CPEB1: variants seen among roughly 807,000 people sequenced by gnomAD.
The protein encoded by CPEB1 is cytoplasmic polyadenylation element binding protein 1.
CPEB1 carries 7 observed loss-of-function variants against 65.8 expected under a neutral mutation model. That is an observed-to-expected ratio of 0.11 (90% confidence interval 0.06 to 0.20). The LOEUF (loss-of-function observed/expected upper bound fraction) is 0.20. CPEB1 is among the 10% of genes least tolerant of loss of function. CPEB1 has a pLI of 1.00. For synonymous variants in CPEB1, 262 were observed against 260.0 expected, an observed-to-expected ratio of 1.01 and a Z score of -0.08; for missense variants, 551 against 712.2, an observed-to-expected ratio of 0.77 and a Z score of 2.58.
chr15:82,614,875 G>GTGTT (rs2044559200), intron 3 of CPEB1, among the ~76,000 whole-genome samples: 1 of 123,184 alleles, frequency 8.1e-6, no homozygotes, highest in African/African-American at 2.8e-5. Context: ...GTGTGTGTGT[G>GTGTT]TGTGTATATA....
intron 3 of CPEB1, among the ~76,000 whole-genome samples, chr15:82,573,653 G>A (rs998186679): frequency 6.6e-6 from 1 of 152,048 alleles, no homozygotes; most frequent in Non-Finnish European, 1.5e-5. Context: ...TCCCTCACGA[G>A]GAGAGAATCA....
At chr15:82,600,546 T>C (rs979738316) in intron 3 of CPEB1, among the ~76,000 whole-genome samples, 9 of 151,934 alleles carry the variant, frequency 5.9e-5, no homozygotes, top group African/African-American at 2.2e-4. Flanking sequence ...ATACACACAA[T>C]TGAAATGTAT....
At chr15:82,600,190 A>T (rs2042983232) in intron 3 of CPEB1, among the ~76,000 whole-genome samples, 1 of 152,204 alleles carries the variant, frequency 6.6e-6, no homozygotes, top group Non-Finnish European at 1.5e-5. Flanking sequence ...AAAGAGAGAA[A>T]AAGGTTTCAA....
intron 3 of CPEB1, among the ~76,000 whole-genome samples, chr15:82,595,908 G>C (rs909675813): frequency 2.0e-5 from 3 of 152,120 alleles, no homozygotes; most frequent in Non-Finnish European, 4.4e-5. Flanking sequence ...TGCTAAGAAA[G>C]TCAAACCTAA....
At chr15:82,557,255 T>C (rs1337523509) in intron 5 of CPEB1, among the ~76,000 whole-genome samples, 1 of 152,190 alleles carries the variant, frequency 6.6e-6, no homozygotes, top group Non-Finnish European at 1.5e-5. Context: ...CATCATGGCA[T>C]GAATTGAAAG....
At chr15:82,626,736 G>A (rs1278389367) in intron 3 of CPEB1, among the ~76,000 whole-genome samples, 2 of 152,116 alleles carry the variant, frequency 1.3e-5, no homozygotes, top group Admixed American at 6.5e-5. Flanking sequence ...TCCATGTTGA[G>A]ATATGCTTGT....
intron 3 of CPEB1, among the ~76,000 whole-genome samples, chr15:82,578,458 T>A (rs1027225678): frequency 6.6e-6 from 1 of 152,162 alleles, no homozygotes; most frequent in African/African-American, 2.4e-5. Context: ...AAAATGTATA[T>A]ATACAGTGTT....
rs1237207716 is a variant in CPEB1 at position 82,594,880 on chromosome 15, G to C, written c.272-23348C>G. 2.0e-5 allele frequency among the ~76,000 whole-genome samples: 3 copies of C among 152,140 alleles called. No homozygotes were observed. In the East Asian group the frequency reaches 5.8e-4, roughly 29 times the overall value. On this transcript the variant is annotated intron_variant, in intron 3 of 12. Transcript: ENST00000684509. ...GGCCCAAGAAAGTGGGAGAGAGACA[G>C]GAGAACGGCCGACTGGTGGAGCAGT...
chr15:82,553,838 CA>C, intron 7 of CPEB1, 39 bp downstream of exon 7: 1 of 1,365,038 alleles, frequency 7.3e-7, no homozygotes, highest in Non-Finnish European at 1.0e-6. Context: ...AGACATGCCC[CA>C]CCCTTCAACT....
At chr15:82,561,267 A>C (rs2038147733) in intron 4 of CPEB1, among the ~76,000 whole-genome samples, 1 of 152,238 alleles carries the variant, frequency 6.6e-6, no homozygotes, top group Admixed American at 6.5e-5. Context: ...GAGTTAAACA[A>C]TGAGATTTTC....
At chr15:82,646,513 C>T (rs1423797002) in intron 1 of CPEB1, among the ~76,000 whole-genome samples, 1 of 152,152 alleles carries the variant, frequency 6.6e-6, no homozygotes. Context: ...GGCACCCCGG[C>T]TTCTAAGAGC....
intron 3 of CPEB1, among the ~76,000 whole-genome samples, chr15:82,615,093 C>G (rs1352073063): frequency 6.6e-6 from 1 of 152,122 alleles, no homozygotes; most frequent in Non-Finnish European, 1.5e-5. Context: ...AGAGTGTAAG[C>G]CAAGGTCACA....
chr15:82,576,387 G>A (rs1313234193), intron 3 of CPEB1, among the ~76,000 whole-genome samples: 2 of 152,190 alleles, frequency 1.3e-5, no homozygotes, highest in Non-Finnish European at 2.9e-5. Flanking sequence ...ACATCAGTCA[G>A]AATGGATCTA....
intron 11 of CPEB1, among the ~76,000 whole-genome samples, chr15:82,546,921 A>G (rs1224452430): frequency 6.6e-6 from 1 of 152,208 alleles, no homozygotes; most frequent in Admixed American, 6.5e-5. Flanking sequence ...AAGGCACCCT[A>G]CACACTGAAG....
chr15:82,581,183 C>T (rs1205222541), intron 3 of CPEB1, among the ~76,000 whole-genome samples: 1 of 152,142 alleles, frequency 6.6e-6, no homozygotes, highest in Non-Finnish European at 1.5e-5. Flanking sequence ...GCTATGTTGT[C>T]CAGGCTGGCC....
intron 3 of CPEB1, among the ~76,000 whole-genome samples, chr15:82,599,243 T>C (rs1396813739): frequency 2.0e-5 from 3 of 152,204 alleles, no homozygotes; most frequent in Admixed American, 6.5e-5. Flanking sequence ...TCCTCACTAC[T>C]ACTCAACTGG....
In CPEB1 at chr15:82,600,975, G is replaced by T. The variant is rs146378779; in HGVS notation, c.271+26218C>A. The stretch of plus-strand genomic sequence containing the variant: ...GCTAGAGTGCAGTGGCGCAACCTCC[G>T]CTCACTGCAACCTCCACCTCCCGAG... On this transcript the variant is annotated intron_variant, in intron 3 of 12. Transcript: ENST00000684509. Among the ~76,000 whole-genome samples, 608 of 130,068 alleles carry T rather than the reference G, an allele frequency of 4.7e-3. 4 individuals carry two copies. The highest frequency in any genetic ancestry group is 0.017 in the African/African-American group (578 of 34,122). 85.3% of individuals were successfully genotyped at this position (130,068 alleles called of 152,430 possible). A position where few individuals can be genotyped will look rare whatever the true frequency, so the allele number is the denominator to read the frequency against.
chr15:82,633,678 C>T (rs12914359), intron 1 of CPEB1, among the ~76,000 whole-genome samples: 4,382 of 152,276 alleles, frequency 0.029, 99 homozygotes, highest in Non-Finnish European at 0.046. Context: ...TGGCCCTAAT[C>T]CAAGTTATTT....
At chr15:82,566,213 A>G (rs1295690927) in intron 4 of CPEB1, among the ~76,000 whole-genome samples, 1 of 152,172 alleles carries the variant, frequency 6.6e-6, no homozygotes, top group East Asian at 1.9e-4. Flanking sequence ...AGACCATCTG[A>G]GCTTGAGCTT....
Sources: allele counts gnomAD v4.1 joint callset (sites outside exome capture counted in the v4.1 genomes callset), GRCh38; gene constraint gnomAD v4.1.1; transcripts MANE v1.5; gene names NCBI Gene and HGNC (gene_info 2026-07-23, HGNC 2026-07-21).